Variants in EOGT observed in about 807,000 individuals in gnomAD.
EOGT encodes the protein EGF domain-specific O-linked N-acetylglucosamine transferase.
Under a neutral mutation model 70.5 loss-of-function variants are expected in EOGT, and 55 were observed. That is an observed-to-expected ratio of 0.78 (90% CI 0.63 to 0.98). The LOEUF is 0.98. EOGT is among the 50% of genes least tolerant of loss of function. The probability of loss-of-function intolerance (pLI) is 0.00; values close to 1 mark genes in which losing one functional copy is unlikely to be tolerated. For missense variants in EOGT, 703 were observed against 641.9 expected (o/e 1.10, Z -1.03); for synonymous variants, 246 against 217.1 (o/e 1.13, Z -1.17).
intron 15 of EOGT, among the ~76,000 whole-genome samples, chr3:68,980,150 C>G (rs1385234069): frequency 6.6e-6 from 1 of 152,126 alleles, no homozygotes; most frequent in Non-Finnish European, 1.5e-5. Context: ...TATTGCAAGA[C>G]AAAGCTCAGA....
At chr3:68,998,505 G>A (rs12496353) in intron 9 of EOGT, among the ~76,000 whole-genome samples, 49,838 of 151,930 alleles carry the variant, frequency 0.33, 8,684 homozygotes, top group East Asian at 0.55. Flanking sequence ...TCAGGGGTGG[G>A]GTCTTGCTAT....
intron 9 of EOGT, among the ~76,000 whole-genome samples, chr3:68,998,878 A>C (rs2091226831): frequency 6.6e-6 from 1 of 151,838 alleles, no homozygotes; most frequent in Admixed American, 6.6e-5. Context: ...CAATTAAGAA[A>C]CATCTGTTCA....
intron 6 of EOGT, 59 bp from the exon 7 acceptor site, chr3:69,005,293 C>T (rs1440411324): frequency 3.2e-6 from 3 of 944,710 alleles, no homozygotes; most frequent in African/African-American, 3.3e-5. Context: ...AAGACTCATC[C>T]GGACTTGCTA....
intron 10 of EOGT, among the ~76,000 whole-genome samples, chr3:68,991,630 G>C (rs1451775295): frequency 1.3e-5 from 2 of 152,196 alleles, no homozygotes; most frequent in Non-Finnish European, 2.9e-5. Flanking sequence ...GGCAATATGA[G>C]ACAGAGAATG....
At chr3:69,008,369 C>G in intron 5 of EOGT, 59 bp downstream of exon 5, 2 of 1,189,068 alleles carry the variant, frequency 1.7e-6, no homozygotes, top group South Asian at 2.6e-5. Context: ...ATTAGGGCAT[C>G]AACATACACT....
rs2090879241 is a variant in EOGT at position 68,988,378 on chromosome 3, A to G, written c.1000T>C (p.Ser334Pro). 6.5e-7 allele frequency: 1 copy of G among 1,534,990 alleles called. No individual in the cohort carries two copies. Among genetic ancestry groups the G allele is most frequent in the African/African-American group, 1.4e-5 (1 of 73,158 alleles). ...AATAGTCCAGTATTTTGACAGCCAGATATCTAAAATAAAAACACTGGTTCA... is the reference window on the plus strand; with the variant it reads ...AATAGTCCAGTATTTTGACAGCCAGGTATCTAAAATAAAAACACTGGTTCA... ...YGLFYNTPLISGCQNTGLFRA... is the reference protein window; with the variant it reads ...YGLFYNTPLIPGCQNTGLFRA... Residue 334 changes from serine (S) to proline (P), a missense_variant, in exon 13 of 18, where the codon TCT becomes CCT. By Grantham distance (74) the Ser-to-Pro change is moderately conservative. Coordinates refer to ENST00000383701, the MANE Select transcript of EOGT (RefSeq NM_001278689.2).
In EOGT at chr3:68,987,521, C is replaced by A. The variant is rs1251218119; in HGVS notation, c.1084-8G>T. On this transcript the variant is annotated splice_region_variant and splice_polypyrimidine_tract_variant and intron_variant, in intron 13 of 17. Transcript: ENST00000383701. Reference sequence around the variant, plus strand: ...GACTCGAATTTTTCCATCCTGTAATCAAAATGAAACGGTAAAATAACACTG... The same window carrying A: ...GACTCGAATTTTTCCATCCTGTAATAAAAATGAAACGGTAAAATAACACTG... The A allele has an allele frequency of 6.2e-7, 1 of 1,606,956 alleles. No homozygotes were observed. The highest frequency in any genetic ancestry group is 1.7e-5 in the Admixed American group (1 of 59,920).
intron 9 of EOGT, 48 bp downstream of exon 9, chr3:69,001,560 A>G: frequency 8.1e-7 from 1 of 1,238,672 alleles, no homozygotes; most frequent in Middle Eastern, 2.4e-4. Context: ...AAAAAGGAAT[A>G]ATATCTCATT....
chr3:69,009,843 A>C lies in EOGT; in HGVS notation c.4T>G (p.Leu2Val), dbSNP rs2091529157. 1 of 1,613,512 alleles carries C rather than the reference A, an allele frequency of 6.2e-7. No individual in the cohort carries two copies. Among genetic ancestry groups the C allele is most frequent in the Admixed American group, 1.7e-5 (1 of 59,954 alleles). Residue 2 changes from leucine (L) to valine (V), a missense_variant, in exon 4 of 18, where the codon TTA (leucine) becomes GTA (valine). Physicochemically the swap from Leu to Val is conservative, Grantham distance 32. Transcript: ENST00000383701. ...AAGACTCCAAAGACAAACAACATTA[A>C]CATAGCAACCTGCAAACCTAGAGAT... MLMLFVFGVLLH... is the reference protein window; with the variant it reads MVMLFVFGVLLH...
chr3:68,979,850 G>C (rs2107136890), intron 15 of EOGT, 63 bp from the exon 16 acceptor site: 1 of 1,506,902 alleles, frequency 6.6e-7, no homozygotes, highest in East Asian at 2.3e-5. Flanking sequence ...GGTTGAGTTA[G>C]TTCATGATTC....
intron 15 of EOGT, 57 bp from the exon 16 acceptor site, chr3:68,979,844 G>A: frequency 6.5e-7 from 1 of 1,546,416 alleles, no homozygotes; most frequent in Non-Finnish European, 8.9e-7. Context: ...GTATTAGGTT[G>A]AGTTAGTTCA....
In EOGT at chr3:68,978,350, C is replaced by T. The variant is rs749501625; in HGVS notation, c.1420G>A (p.Val474Ile). Residue 474 changes from valine to isoleucine, a missense_variant, in exon 17 of 18, where the codon GTC (valine) becomes ATC (isoleucine). Physicochemically the swap from Val to Ile is conservative, Grantham distance 29. Transcript: ENST00000383701. ...AACTTTACCTTATCCTGAGGAAAGACTTTGTTCTGCCGTCGCCAAGTGATG... is the reference window on the plus strand; with the variant it reads ...AACTTTACCTTATCCTGAGGAAAGATTTTGTTCTGCCGTCGCCAAGTGATG... ...HYITWRRQNK[V>I]FPQDKGHHPT... The T allele has an allele frequency of 6.2e-7, 1 of 1,612,222 alleles. No individual in the cohort carries two copies. Among genetic ancestry groups the T allele is most frequent in the Non-Finnish European group, 8.5e-7 (1 of 1,179,378 alleles).
At chr3:68,991,959 T>G (rs948218241) in intron 10 of EOGT, among the ~76,000 whole-genome samples, 2 of 152,138 alleles carry the variant, frequency 1.3e-5, no homozygotes, top group African/African-American at 4.8e-5. Context: ...TGAGACTTAT[T>G]CACTATCACG....
rs937165296 is a variant in EOGT, at chr3:69,005,043, C to A, written c.515+97G>T. The A allele has an allele frequency of 2.8e-5, 19 of 683,168 alleles. No individual in the cohort carries two copies. The African/African-American group carries it at 3.3e-4, about 12-fold the overall frequency. 42.3% of individuals were successfully genotyped at this position (683,168 alleles called of 1,614,324 possible). A position where few individuals can be genotyped will look rare whatever the true frequency, so the allele number is the denominator to read the frequency against. ...CACCGCTGCACTCCAGCCTGGGCAA[C>A]AGAGCAAGACCCTGTCTCAAAAAAA... On this transcript the variant is annotated intron_variant, in intron 7 of 17. Coordinates refer to ENST00000383701, the MANE Select transcript of EOGT (RefSeq NM_001278689.2).
At chr3:69,003,195 G>T (rs561176796) in intron 8 of EOGT, among the ~76,000 whole-genome samples, 1 of 152,238 alleles carries the variant, frequency 6.6e-6, no homozygotes, top group East Asian at 1.9e-4. Flanking sequence ...ACCTGCACAA[G>T]TTAATACTAC....
At chr3:68,998,184 C>T (rs2107310574) in intron 9 of EOGT, 70 bp from the exon 10 acceptor site, 1 of 816,494 alleles carries the variant, frequency 1.2e-6, no homozygotes, top group South Asian at 1.6e-5. Context: ...TTTATTCTAT[C>T]CCATCTATTT....
At chr3:68,979,176 T>C (rs1010283241) in intron 16 of EOGT, among the ~76,000 whole-genome samples, 4 of 152,190 alleles carry the variant, frequency 2.6e-5, no homozygotes, top group African/African-American at 4.8e-5. Flanking sequence ...GGGAAGGTCA[T>C]GTCTCCATAA....
chr3:68,975,857 ATTTTG>A lies in EOGT; in HGVS notation c.*1756_*1760del, dbSNP rs1382594085. On this transcript the variant is annotated 3_prime_UTR_variant, in exon 18 of 18. Coordinates refer to ENST00000383701, the MANE Select transcript of EOGT (RefSeq NM_001278689.2). Reference sequence around the variant, plus strand: ...AAACGTCTTCTGTAAAGGTCCAGATATTTTGTTTTGTGTGTCATTTTTCTGATGGA... The same window carrying A: ...AAACGTCTTCTGTAAAGGTCCAGATATTTTGTGTGTCATTTTTCTGATGGA... 4 of 152,146 alleles carry A rather than the reference ATTTTG, an allele frequency of 2.6e-5. No individual in the cohort carries two copies. The highest frequency in any genetic ancestry group is 4.8e-5 in the African/African-American group (2 of 41,442). The allele number at this position is 152,146 out of a possible 1,614,324, so 9.4% of individuals were successfully genotyped here.
chr3:69,004,410 A>G lies in EOGT; in HGVS notation c.588T>C (p.Ser196=), dbSNP rs1370067360. 5.6e-6 allele frequency: 9 copies of G among 1,614,114 alleles called. No homozygotes were observed. The East Asian group carries it at 1.6e-4, about 28-fold the overall frequency. The change falls in exon 8 of 18, where the codon TCT becomes TCC. Residue 196 remains serine (S), a synonymous_variant. Coordinates refer to ENST00000383701, the MANE Select transcript of EOGT (RefSeq NM_001278689.2). The part of the protein sequence containing the change: ...HCKLDIRTLT[S]EGQRKSPLQS... ...GCAGAGGGCTTTTGCGCTGACCTTC[A>G]GACGTCAATGTACGGATGTCAAGTT...
Sources: gnomAD v4.1 joint callset for allele counts (sites outside exome capture counted in the v4.1 genomes callset) on GRCh38, gnomAD v4.1.1 for gene constraint, MANE v1.5 for transcripts, NCBI Gene and HGNC (gene_info 2026-07-23, HGNC 2026-07-21) for gene names.